Variants in CLDN10 observed in about 807,000 individuals in gnomAD.
The protein encoded by CLDN10 is claudin-10.
In CLDN10, 15 loss-of-function variants were observed where a neutral mutation model predicts 22.9. The ratio of observed to expected loss-of-function variants is 0.65; its 90% CI spans 0.44 to 1.01. The LOEUF (loss-of-function observed/expected upper bound fraction) is 1.01. Ranked by LOEUF, CLDN10 falls within the 50% of genes least tolerant of loss-of-function variation. CLDN10 has a pLI of 0.00. For missense variants in CLDN10, 247 were observed against 287.8 expected (o/e 0.86, Z 1.03); for synonymous variants, 114 against 111.4 (o/e 1.02, Z -0.15).
chr13:95,510,871 A>C (rs756251187), intron 1 of CLDN10, among the ~76,000 whole-genome samples: 8 of 152,108 alleles, frequency 5.3e-5, no homozygotes, highest in Non-Finnish European at 8.8e-5. Flanking sequence ...TTGGAAACTT[A>C]CTCCATTACT....
intron 3 of CLDN10, among the ~76,000 whole-genome samples, chr13:95,571,722 T>C (rs1487685976): frequency 6.6e-6 from 1 of 152,240 alleles, no homozygotes; most frequent in Non-Finnish European, 1.5e-5. Context: ...TTATAGATTA[T>C]ATTTAATATA....
chr13:95,437,119 C>G (rs532054594), intron 1 of CLDN10, among the ~76,000 whole-genome samples: 4 of 152,130 alleles, frequency 2.6e-5, no homozygotes, highest in Non-Finnish European at 5.9e-5. Context: ...AGCTAACCCT[C>G]TTGAATGCTC....
intron 1 of CLDN10, among the ~76,000 whole-genome samples, chr13:95,466,028 T>C (rs1394105690): frequency 1.3e-5 from 2 of 151,974 alleles, no homozygotes; most frequent in Non-Finnish European, 2.9e-5. Context: ...GGTGTATGTT[T>C]ATGTTTATTT....
At chr13:95,566,449 T>C (rs1208823516) in intron 3 of CLDN10, among the ~76,000 whole-genome samples, 1 of 152,252 alleles carries the variant, frequency 6.6e-6, no homozygotes, top group Non-Finnish European at 1.5e-5. Flanking sequence ...GTTCATATCC[T>C]TTGCCCACTT....
rs73559299 is a variant in CLDN10, at chr13:95,436,401, T to C, written c.214+2354T>C. ...GATCTCACTATGTTACCTAGGCTAG[T>C]GTTGAACTCCTGGGCTCAAGCAATC... On this transcript the variant is annotated intron_variant, in intron 1 of 4. Coordinates refer to the CLDN10 transcript ENST00000376873. Among the ~76,000 whole-genome samples the C allele has an allele frequency of 5.7e-3, 869 of 152,284 alleles. 4 individuals carry two copies. The highest frequency in any genetic ancestry group is 0.02 in the African/African-American group (846 of 41,562).
In CLDN10 at chr13:95,578,057, C is replaced by T. The variant is rs754583225; in HGVS notation, c.*43C>T. 2.1e-5 allele frequency: 25 copies of T among 1,171,994 alleles called. No individual in the cohort carries two copies. The highest frequency in any genetic ancestry group is 2.8e-5 in the Non-Finnish European group (22 of 793,826). The allele number at this position is 1,171,994 out of a possible 1,614,324, so 72.6% of individuals were successfully genotyped here. On this transcript the variant is annotated 3_prime_UTR_variant, in exon 5 of 5. Transcript: ENST00000299339. ...CTGCCTCTTGAGTTTGTTATAAAAG[C>T]GAACTGTTCACAAAATGATCCCATC...
rs181990404 is a variant in CLDN10, at chr13:95,519,867, A to G, written c.215-40265A>G. ...AGGGAGAGGAAAGCTTAACAACATA[A>G]GAAGTAAATGAGATTCAGACATGAA... On this transcript the variant is annotated intron_variant, in intron 1 of 4. Transcript: ENST00000376873. 2.6e-5 allele frequency among the ~76,000 whole-genome samples: 4 copies of G among 152,396 alleles called. No homozygotes were observed. In the East Asian group the frequency reaches 7.7e-4, roughly 29 times the overall value.
At chr13:95,468,613 C>A (rs2042601322) in intron 1 of CLDN10, among the ~76,000 whole-genome samples, 1 of 152,050 alleles carries the variant, frequency 6.6e-6, no homozygotes, top group African/African-American at 2.4e-5. Context: ...GTAATCCCAG[C>A]TACTTGGGAG....
chr13:95,502,707 G>C (rs2042998222), intron 1 of CLDN10, among the ~76,000 whole-genome samples: 1 of 152,120 alleles, frequency 6.6e-6, no homozygotes, highest in African/African-American at 2.4e-5. Context: ...TTTTAGTACA[G>C]ACAGGGTCTC....
rs373590315 is a variant in CLDN10, at chr13:95,559,683, CT to C, written c.221-445del. ...ATAATGTCAAAACCATTAAAACACC[CT>C]TTTAAAGTCCAATGAGCGGAGGAGC... On this transcript the variant is annotated intron_variant, in intron 1 of 4. Transcript: ENST00000299339. Among the ~76,000 whole-genome samples the C allele has an allele frequency of 5.7e-3, 863 of 152,268 alleles. 4 individuals are homozygous for C. Among genetic ancestry groups the C allele is most frequent in the Non-Finnish European group, 8.0e-3 (543 of 68,038 alleles).
chr13:95,488,372 A>AT (rs368876085), intron 1 of CLDN10, among the ~76,000 whole-genome samples: 3 of 151,390 alleles, frequency 2.0e-5, no homozygotes, highest in South Asian at 4.2e-4. Flanking sequence ...TTTTTTAACA[A>AT]TTTTTTTTCC....
At chr13:95,511,201 G>GT (rs1314522376) in intron 1 of CLDN10, among the ~76,000 whole-genome samples, 1 of 152,080 alleles carries the variant, frequency 6.6e-6, no homozygotes, top group East Asian at 1.9e-4. Context: ...TCAGTCAACT[G>GT]TAAGAACTCA....
At chr13:95,459,291 C>G (rs888447191) in intron 1 of CLDN10, among the ~76,000 whole-genome samples, 2 of 152,234 alleles carry the variant, frequency 1.3e-5, no homozygotes, top group African/African-American at 4.8e-5. Flanking sequence ...CACAGCTCCA[C>G]TAGGCTATGC....
intron 1 of CLDN10, among the ~76,000 whole-genome samples, chr13:95,477,750 C>T (rs563074716): frequency 9.9e-4 from 151 of 152,094 alleles, no homozygotes; most frequent in Non-Finnish European, 1.9e-3. Flanking sequence ...AACCCCTCAC[C>T]CCAGACTGAA....
chr13:95,536,927 T>C (rs1454600401), intron 1 of CLDN10, among the ~76,000 whole-genome samples: 1 of 152,234 alleles, frequency 6.6e-6, no homozygotes, highest in East Asian at 1.9e-4. Context: ...ATTTCACAGC[T>C]GCTGTAAGTT....
At chr13:95,434,601 T>C (rs576509275) in intron 1 of CLDN10, among the ~76,000 whole-genome samples, 5 of 144,090 alleles carry the variant, frequency 3.5e-5, no homozygotes, top group Admixed American at 6.7e-5. Flanking sequence ...CCCACACAGG[T>C]ATCTATATGA....
rs1217099511 is a variant in CLDN10, at chr13:95,578,446, G to A, written c.*432G>A. The A allele has an allele frequency of 2.0e-5, 3 of 152,454 alleles. No individual in the cohort carries two copies. The highest frequency in any genetic ancestry group is 2.1e-4 in the South Asian group (1 of 4,826). The allele number at this position is 152,454 out of a possible 1,614,324, so 9.4% of individuals were successfully genotyped here. On this transcript the variant is annotated 3_prime_UTR_variant, in exon 5 of 5. Coordinates refer to ENST00000299339, the MANE Select transcript of CLDN10 (RefSeq NM_006984.5). ...GGCAATCTGAGAATATTCCTCAAAA[G>A]GTGTCCAGGTTAAATAGACATGTTA...
At chr13:95,437,789 G>T (rs1447697139) in intron 1 of CLDN10, among the ~76,000 whole-genome samples, 1 of 152,212 alleles carries the variant, frequency 6.6e-6, no homozygotes, top group African/African-American at 2.4e-5. Context: ...TTATGACTCA[G>T]CAGACTGAGC....
At chr13:95,540,208 A>G (rs142564886) in intron 1 of CLDN10, among the ~76,000 whole-genome samples, 2 of 152,152 alleles carry the variant, frequency 1.3e-5, no homozygotes, top group African/African-American at 2.4e-5. Context: ...GCTGAGGCAG[A>G]AGAATCGCTT....
Sources: gnomAD v4.1 joint callset for allele counts (sites outside exome capture counted in the v4.1 genomes callset) on GRCh38, gnomAD v4.1.1 for gene constraint, MANE v1.5 for transcripts, NCBI Gene and HGNC (gene_info 2026-07-23, HGNC 2026-07-21) for gene names.